PLCE1: variants seen among roughly 807,000 people sequenced by gnomAD.
PLCE1 encodes 1-phosphatidylinositol 4,5-bisphosphate phosphodiesterase epsilon-1.
In PLCE1, 119 loss-of-function variants were observed where a neutral mutation model predicts 242.8. The observed-to-expected ratio is 0.49, with a 90% confidence interval of 0.42 to 0.57. PLCE1 has a LOEUF of 0.57. Ranked by LOEUF, PLCE1 falls within the 20% of genes least tolerant of loss-of-function variation. The probability of loss-of-function intolerance (pLI) is 0.00; values close to 1 mark genes in which losing one functional copy is unlikely to be tolerated. For missense variants in PLCE1, 2,441 were observed against 2,788.8 expected, an observed-to-expected ratio of 0.88 and a Z score of 2.81; for synonymous variants, 945 against 1,017.4, an observed-to-expected ratio of 0.93 and a Z score of 1.35.
chr10:94,309,072 G>A (rs1048765444), intron 27 of PLCE1, among the ~76,000 whole-genome samples: 10 of 152,336 alleles, frequency 6.6e-5, no homozygotes, highest in African/African-American at 2.2e-4. Flanking sequence ...GTGAGGAAGA[G>A]GCTTATTATG....
intron 2 of PLCE1, among the ~76,000 whole-genome samples, chr10:94,049,080 T>C (rs1394153744): frequency 6.6e-6 from 1 of 152,154 alleles, no homozygotes; most frequent in Non-Finnish European, 1.5e-5. Context: ...ATTCTTAATA[T>C]TATCTTTTTT....
rs1159964116 is a variant in PLCE1 at position 94,179,952 on chromosome 10, C to G, written c.1809+8456C>G. Among the ~76,000 whole-genome samples, 3 of 149,594 alleles carry G rather than the reference C, an allele frequency of 2.0e-5. No homozygotes were observed. The South Asian group carries it at 6.3e-4, about 31-fold the overall frequency. On this transcript the variant is annotated intron_variant, in intron 4 of 32. Transcript: ENST00000371380. ...GTTAGTTCCCAAAAAAAAAAAAAAC[C>G]ACTAACATAACAGCATTATTAGAAT... is the stretch of plus-strand genomic sequence containing the variant.
chr10:93,997,892 T>C (rs528058937), intron 1 of PLCE1, among the ~76,000 whole-genome samples: 11 of 152,266 alleles, frequency 7.2e-5, no homozygotes, highest in East Asian at 5.8e-4. Flanking sequence ...GGTGAAACCA[T>C]TGGGCTCATG....
Position 94,306,474 on chromosome 10 carries a change from G to A in PLCE1, c.5670G>A (p.Pro1890=), listed in dbSNP as rs370864800. Residue 1890 remains proline (P), a synonymous_variant, in exon 26 of 33, where the codon CCG becomes CCA. Coordinates refer to ENST00000371380, the MANE Select transcript of PLCE1 (RefSeq NM_016341.4). This position sits in a 1 kb window ranked among gnomAD's most constrained non-coding sequence, Gnocchi z 5.7. ...NVCPSNSMGS[P]CIEVDVLGMP... ...GCCCCAGTAATAGCATGGGAAGCCCGTGCATTGAAGTCGACGTCCTGGGCA... is the reference window on the plus strand; with the variant it reads ...GCCCCAGTAATAGCATGGGAAGCCCATGCATTGAAGTCGACGTCCTGGGCA... 50 of 1,613,870 alleles carry A rather than the reference G, an allele frequency of 3.1e-5. No homozygotes were observed. The highest frequency in any genetic ancestry group is 1.3e-4 in the Admixed American group (8 of 60,002).
intron 2 of PLCE1, among the ~76,000 whole-genome samples, chr10:94,085,237 G>A (rs114830886): frequency 0.011 from 1,711 of 152,232 alleles, 36 homozygotes; most frequent in African/African-American, 0.038. Context: ...CTTTGGCTTT[G>A]GGGGTCCTAG....
chr10:94,199,495 A>G (rs193257718), intron 4 of PLCE1, among the ~76,000 whole-genome samples: 2 of 152,366 alleles, frequency 1.3e-5, no homozygotes, highest in Admixed American at 1.3e-4. Context: ...TGCTATACCC[A>G]AGTAAGAAAT....
At chr10:94,047,037 T>C (rs28730933) in intron 2 of PLCE1, among the ~76,000 whole-genome samples, 21 of 152,282 alleles carry the variant, frequency 1.4e-4, no homozygotes, top group Non-Finnish European at 2.4e-4. Flanking sequence ...TTTTAAAAAA[T>C]AAAAAGCCAA....
chr10:94,165,794 G>A (rs932215186), intron 3 of PLCE1, among the ~76,000 whole-genome samples: 17 of 151,596 alleles, frequency 1.1e-4, no homozygotes, highest in African/African-American at 3.6e-4. Flanking sequence ...TGCAACCTCC[G>A]CCTCCTGGGT....
chr10:94,061,732 T>G (rs1341795902), intron 2 of PLCE1, among the ~76,000 whole-genome samples: 1 of 152,214 alleles, frequency 6.6e-6, no homozygotes, highest in African/African-American at 2.4e-5. Flanking sequence ...CTTAGGATTT[T>G]CTGTCTACCT....
At chr10:94,091,563 C>T (rs142745010) in intron 2 of PLCE1, among the ~76,000 whole-genome samples, 35 of 152,166 alleles carry the variant, frequency 2.3e-4, no homozygotes, top group Middle Eastern at 6.8e-3. Context: ...ATTCTAGTGA[C>T]AGCAGGAGAC....
At chr10:94,002,777 G>A (rs2134190013) in intron 1 of PLCE1, among the ~76,000 whole-genome samples, 1 of 152,288 alleles carries the variant, frequency 6.6e-6, no homozygotes, top group African/African-American at 2.4e-5. Flanking sequence ...TAGCTGGGGA[G>A]CAGTAGAATG....
chr10:94,319,864 C>CTTT (rs58610099), intron 29 of PLCE1, among the ~76,000 whole-genome samples: 931 of 92,866 alleles, frequency 0.01, 33 homozygotes, highest in Non-Finnish European at 0.014. Context: ...CAAAGGTGCT[C>CTTT]TTTTTTTTTT....
chr10:94,140,629 C>G (rs2046927111), intron 3 of PLCE1, among the ~76,000 whole-genome samples: 1 of 152,168 alleles, frequency 6.6e-6, no homozygotes, highest in Admixed American at 6.5e-5. Flanking sequence ...GAATAAAAAA[C>G]AAGAAGTTAT....
chr10:94,281,132 ATTCTTCCCCATGGTT>A (rs1387861095), intron 20 of PLCE1, among the ~76,000 whole-genome samples: 2 of 152,168 alleles, frequency 1.3e-5, no homozygotes, highest in African/African-American at 4.8e-5. Flanking sequence ...ATATTAACTT[ATTCTTCCCCATGGTT>A]TTCTTCCCCA....
intron 1 of PLCE1, among the ~76,000 whole-genome samples, chr10:94,003,920 G>A (rs2060984340): frequency 6.6e-6 from 1 of 152,150 alleles, no homozygotes; most frequent in Non-Finnish European, 1.5e-5. Flanking sequence ...GGCTGAGGCG[G>A]GTGGATCATG....
rs2048899578 is a variant in PLCE1 at position 94,198,644 on chromosome 10, G to A, written c.1809+27148G>A. Among the ~76,000 whole-genome samples the A allele has an allele frequency of 4.6e-5, 7 of 152,062 alleles. No homozygotes were observed. In the South Asian group the frequency reaches 1.5e-3, roughly 32 times the overall value. On this transcript the variant is annotated intron_variant, in intron 4 of 32. Coordinates refer to ENST00000371380, the MANE Select transcript of PLCE1 (RefSeq NM_016341.4). ...ATTCCTCCCCTATCTCAAACCTCTGGGATCTGATTTCTCTTTTTATCCTTT... is the reference window on the plus strand; with the variant it reads ...ATTCCTCCCCTATCTCAAACCTCTGAGATCTGATTTCTCTTTTTATCCTTT...
At chr10:94,034,449 A>T (rs777197576) in intron 2 of PLCE1, among the ~76,000 whole-genome samples, 1 of 152,240 alleles carries the variant, frequency 6.6e-6, no homozygotes, top group African/African-American at 2.4e-5. Flanking sequence ...CTGAGAAATT[A>T]TGTACCTCAT....
Position 94,132,431 on chromosome 10 carries a change from A to G in PLCE1, c.1464A>G (p.Gly488=), listed in dbSNP as rs771819507. 1 of 1,614,110 alleles carries G rather than the reference A, an allele frequency of 6.2e-7. No individual in the cohort carries two copies. The highest frequency in any genetic ancestry group is 1.1e-5 in the South Asian group (1 of 91,086). Residue 488 remains glycine (G), a synonymous_variant, in exon 3 of 33, where the codon GGA becomes GGG. Transcript: ENST00000371380. ...GAAGTGGCCTTCTCAGTACTTTTGGAGGATCCACTGGACGAATGATGCTGA... is the reference window on the plus strand; with the variant it reads ...GAAGTGGCCTTCTCAGTACTTTTGGGGGATCCACTGGACGAATGATGCTGA... ...GARSGLLSTF[G]GSTGRMMLKE... is the part of the protein sequence containing the mutation.
intron 3 of PLCE1, among the ~76,000 whole-genome samples, chr10:94,164,239 C>A (rs2047716438): frequency 6.6e-6 from 1 of 152,198 alleles, no homozygotes; most frequent in African/African-American, 2.4e-5. Flanking sequence ...TAATATCCTG[C>A]AGAGTGTTTT....
Sources: allele counts gnomAD v4.1 joint callset (sites outside exome capture counted in the v4.1 genomes callset), GRCh38; gene constraint gnomAD v4.1.1; non-coding constraint Gnocchi (gnomAD v3.1); transcripts MANE v1.5; gene names NCBI Gene and HGNC (gene_info 2026-07-23, HGNC 2026-07-21).